The following CXADR variants were observed in gnomAD, a reference collection of about 807,000 sequenced individuals.
CXADR encodes the protein coxsackievirus and adenovirus receptor.
Under a neutral mutation model 40.3 loss-of-function variants are expected in CXADR, and 20 were observed. That is an observed-to-expected ratio of 0.50 (90% confidence interval 0.35 to 0.72). The LOEUF (loss-of-function observed/expected upper bound fraction) is 0.72, where lower values mean the gene tolerates loss of function less well. Ranked by LOEUF, CXADR falls within the 30% of genes least tolerant of loss-of-function variation. The pLI is 0.01. For missense variants in CXADR, 332 were observed against 449.1 expected, an observed-to-expected ratio of 0.74 and a Z score of 2.36; for synonymous variants, 150 against 161.3, an observed-to-expected ratio of 0.93 and a Z score of 0.53.
At chr21:17,606,928 T>C in the CXADR span, among the ~76,000 whole-genome samples, 1 of 152,172 alleles carries the variant, frequency 6.6e-6, no homozygotes, top group South Asian at 2.1e-4. Context: ...TAGATCTTGA[T>C]AATATTGCCA....
chr21:17,513,204 GC>G, intron 1 of CXADR, 32 bp downstream of exon 1: 2 of 1,350,932 alleles, frequency 1.5e-6, no homozygotes, highest in Non-Finnish European at 1.9e-6. Flanking sequence ...CTCAGCACCC[GC>G]CCAGCCCGGG....
chr21:17,528,885 G>T (rs573007523), intron 1 of CXADR, among the ~76,000 whole-genome samples: 1 of 151,936 alleles, frequency 6.6e-6, no homozygotes, highest in Non-Finnish European at 1.5e-5. Context: ...CCAGAATTTC[G>T]TCACTAGTCC....
the CXADR span, among the ~76,000 whole-genome samples, chr21:17,626,520 A>AT: frequency 4.0e-5 from 6 of 151,836 alleles, no homozygotes; most frequent in Non-Finnish European, 7.4e-5. Flanking sequence ...AGGAATCAGC[A>AT]TTTTTTTTAG....
At chr21:17,581,298 T>C (rs1182945136) in intron 7 of CXADR, among the ~76,000 whole-genome samples, 1 of 152,210 alleles carries the variant, frequency 6.6e-6, no homozygotes, top group Non-Finnish European at 1.5e-5. Context: ...TATGTATAAA[T>C]ATATCTTTAA....
chr21:17,536,788 A>T (rs1165664253), intron 1 of CXADR, among the ~76,000 whole-genome samples: 1 of 152,004 alleles, frequency 6.6e-6, no homozygotes, highest in Non-Finnish European at 1.5e-5. Context: ...ACAGTGTCTC[A>T]CTCTGTCTCC....
chr21:17,517,970 T>TA (rs1195286890), intron 1 of CXADR, among the ~76,000 whole-genome samples: 1 of 152,168 alleles, frequency 6.6e-6, no homozygotes, highest in Non-Finnish European at 1.5e-5. Flanking sequence ...AGTGGCAAAA[T>TA]ACCTCAAGAC....
At chr21:17,528,278 G>A (rs1478769377) in intron 1 of CXADR, among the ~76,000 whole-genome samples, 2 of 151,810 alleles carry the variant, frequency 1.3e-5, no homozygotes, top group East Asian at 1.9e-4. Context: ...GTTTCACCAT[G>A]TTGTCCAGGA....
chr21:17,591,965 T>G (rs189131274), intron 7 of CXADR, among the ~76,000 whole-genome samples: 6 of 152,086 alleles, frequency 3.9e-5, no homozygotes, highest in African/African-American at 1.4e-4. Flanking sequence ...ATGAGAGCTT[T>G]CTTTTGCTCT....
At chr21:17,574,932 C>T (rs575857344), downstream of CXADR, among the ~76,000 whole-genome samples, 4 of 151,842 alleles carry the variant, frequency 2.6e-5, no homozygotes, top group African/African-American at 4.8e-5. Context: ...ACTATGGGCA[C>T]TTCACTCAAA....
intron 7 of CXADR, among the ~76,000 whole-genome samples, chr21:17,578,270 A>G (rs1015697818): frequency 6.6e-6 from 1 of 152,108 alleles, no homozygotes; most frequent in Non-Finnish European, 1.5e-5. Flanking sequence ...ATTTCTCCAC[A>G]TTTTCACCAG....
At chr21:17,562,016 C>T (rs1214733628) in intron 6 of CXADR, among the ~76,000 whole-genome samples, 2 of 152,168 alleles carry the variant, frequency 1.3e-5, no homozygotes, top group East Asian at 3.8e-4. Context: ...AGGCACACTT[C>T]AGAGTTATCG....
chr21:17,617,420 C>T, the CXADR span, among the ~76,000 whole-genome samples: 2 of 151,950 alleles, frequency 1.3e-5, no homozygotes, highest in South Asian at 2.1e-4. Context: ...TATGTGCTGC[C>T]GAAGCGAGCA....
intron 1 of CXADR, among the ~76,000 whole-genome samples, chr21:17,514,150 A>T (rs943642997): frequency 3.9e-5 from 6 of 152,164 alleles, no homozygotes; most frequent in African/African-American, 1.2e-4. Flanking sequence ...ATTCATTTTT[A>T]AAAATCCGTA....
downstream of CXADR, among the ~76,000 whole-genome samples, chr21:17,571,598 C>A (rs554365598): frequency 6.6e-6 from 1 of 152,086 alleles, no homozygotes; most frequent in Non-Finnish European, 1.5e-5. Context: ...TTTCAAGATG[C>A]AGTAATACCA....
In CXADR at chr21:17,585,527, A is replaced by T. The variant is rs911250642; in HGVS notation, c.1018-7625A>T. Among the ~76,000 whole-genome samples the T allele has an allele frequency of 2.2e-4, 33 of 150,546 alleles. 1 individual carries two copies. The highest frequency in any genetic ancestry group is 1.3e-3 in the South Asian group (6 of 4,756). On this transcript the variant is annotated intron_variant, in intron 7 of 7. Coordinates refer to the CXADR transcript ENST00000400169. ...TTGTGCTTCTGGGTGTTTAATTATT[A>T]TTTTTTTTTGAGACCGAGTCTCGCT...
At chr21:17,540,037 C>T (rs577724936) in intron 1 of CXADR, among the ~76,000 whole-genome samples, 52 of 152,246 alleles carry the variant, frequency 3.4e-4, no homozygotes, top group African/African-American at 1.3e-3. Context: ...CTGGGCAGTC[C>T]AAGATTAAGA....
rs145189774 is a variant in CXADR at position 17,535,968 on chromosome 21, A to G, written c.44-11059A>G. Among the ~76,000 whole-genome samples the G allele has an allele frequency of 6.6e-3, 1,009 of 152,318 alleles. 6 individuals are homozygous for G. Among genetic ancestry groups the G allele is most frequent in the African/African-American group, 0.023 (955 of 41,568 alleles). On this transcript the variant is annotated intron_variant, in intron 1 of 6. Transcript: ENST00000284878. ...GGCTGCAGTGAGCCAAGATTGTGTCACTGCACTCTAGCCTGGGTGACAGAG... is the reference window on the plus strand; with the variant it reads ...GGCTGCAGTGAGCCAAGATTGTGTCGCTGCACTCTAGCCTGGGTGACAGAG...
At chr21:17,625,559 A>G in the CXADR span, among the ~76,000 whole-genome samples, 1 of 152,226 alleles carries the variant, frequency 6.6e-6, no homozygotes, top group African/African-American at 2.4e-5. Context: ...TGTCCTTGGT[A>G]TACCTAAACT....
intron 1 of CXADR, among the ~76,000 whole-genome samples, chr21:17,516,061 C>T (rs2060458552): frequency 6.6e-6 from 1 of 152,074 alleles, no homozygotes; most frequent in African/African-American, 2.4e-5. Flanking sequence ...TAAGCAGTGG[C>T]AGTAGCAGTA....
Sources: gnomAD v4.1 joint callset for allele counts (sites outside exome capture counted in the v4.1 genomes callset) on GRCh38, gnomAD v4.1.1 for gene constraint, MANE v1.5 for transcripts, NCBI Gene and HGNC (gene_info 2026-07-23, HGNC 2026-07-21) for gene names.